Variants in SWAP70 observed in about 807,000 individuals in gnomAD.
The protein encoded by SWAP70 is switch-associated protein 70.
SWAP70 carries 34 observed loss-of-function variants against 80.2 expected under a neutral mutation model. The observed-to-expected ratio is 0.42, with a 90% CI of 0.32 to 0.56. The LOEUF (loss-of-function observed/expected upper bound fraction) is 0.56, where lower values mean the gene tolerates loss of function less well. Among genes scored for constraint, SWAP70 ranks in the 20% least tolerant of loss-of-function variants. The pLI is 0.09. For missense variants in SWAP70, 578 were observed against 690.7 expected (o/e 0.84, Z 1.83); for synonymous variants, 239 against 238.5 (o/e 1.00, Z -0.02).
intron 6 of SWAP70, 89 bp downstream of exon 6, chr11:9,729,540 C>A: frequency 9.9e-7 from 1 of 1,011,712 alleles, no homozygotes; most frequent in Non-Finnish European, 1.5e-6. Context: ...GCTCTGTTGC[C>A]CGGGCTGTAG....
intron 1 of SWAP70, among the ~76,000 whole-genome samples, chr11:9,688,683 G>T (rs1195831590): frequency 6.6e-6 from 1 of 152,114 alleles, no homozygotes. Flanking sequence ...TGAAGATTTG[G>T]TGTAAGTGTC....
intron 3 of SWAP70, among the ~76,000 whole-genome samples, chr11:9,721,833 T>A (rs993668621): frequency 6.6e-6 from 1 of 152,242 alleles, no homozygotes; most frequent in Admixed American, 6.5e-5. Context: ...CATGCATGTC[T>A]ATTTTTCTGT....
At chr11:9,669,363 G>A (rs190434357) in intron 1 of SWAP70, among the ~76,000 whole-genome samples, 207 of 152,214 alleles carry the variant, frequency 1.4e-3, no homozygotes, top group Admixed American at 2.6e-3. Flanking sequence ...CCAAGTAGCT[G>A]GGACTACAGA....
intron 1 of SWAP70, among the ~76,000 whole-genome samples, chr11:9,687,475 GT>G (rs1466042569): frequency 1.3e-5 from 2 of 151,842 alleles, no homozygotes; most frequent in South Asian, 4.1e-4. Context: ...TGCCTTTTTT[GT>G]TTTTTTATGG....
chr11:9,733,246 C>T (rs985260768), intron 7 of SWAP70, among the ~76,000 whole-genome samples: 1 of 152,144 alleles, frequency 6.6e-6, no homozygotes. Flanking sequence ...AACACTTCCT[C>T]GGTTATGTCG....
At chr11:9,730,318 G>A (rs1256904490) in intron 6 of SWAP70, among the ~76,000 whole-genome samples, 6 of 128,964 alleles carry the variant, frequency 4.7e-5, no homozygotes, top group Admixed American at 2.6e-4. Context: ...GTGAAACCCC[G>A]TCTCTACTTA....
intron 3 of SWAP70, among the ~76,000 whole-genome samples, chr11:9,724,035 A>C (rs1218282158): frequency 6.6e-6 from 1 of 152,044 alleles, no homozygotes; most frequent in Admixed American, 6.5e-5. Context: ...TGGCCTCCCA[A>C]AGTGTTGGGA....
intron 3 of SWAP70, chr11:9,720,392 T>A (rs1851119189): frequency 1.0e-6 from 1 of 985,446 alleles, no homozygotes. Context: ...AGTTTGCTAC[T>A]AATAGGCGCT....
intron 7 of SWAP70, among the ~76,000 whole-genome samples, chr11:9,736,153 C>G (rs374163686): frequency 6.6e-6 from 1 of 151,920 alleles, no homozygotes; most frequent in African/African-American, 2.4e-5. Context: ...GTGAATTTTT[C>G]GTTTCAGTTA....
chr11:9,666,679 G>T (rs1288270721), intron 1 of SWAP70, among the ~76,000 whole-genome samples: 1 of 150,804 alleles, frequency 6.6e-6, no homozygotes, highest in Non-Finnish European at 1.5e-5. Context: ...AAGAGGAGAA[G>T]AAAATTTTAT....
At chr11:9,717,659 CAAA>C (rs3049795) in intron 3 of SWAP70, among the ~76,000 whole-genome samples, 20 of 115,714 alleles carry the variant, frequency 1.7e-4, no homozygotes, top group African/African-American at 6.7e-4. Context: ...GACCTTGTCT[CAAA>C]AAAAAAAAAA....
intron 1 of SWAP70, among the ~76,000 whole-genome samples, chr11:9,675,346 CGAGAGAGAGAGAGAGAGAGAGAGAGAGA>C (rs1184480305): frequency 3.3e-3 from 28 of 8,412 alleles, no homozygotes; most frequent in African/African-American, 5.4e-3. Flanking sequence ...AGAGAGGGAG[CGAGAGAGAGAGAGAGAGAGAGAGAGAGA>C]GAGAGAGAGA....
At chr11:9,731,248 A>G (rs1401835639) in intron 6 of SWAP70, among the ~76,000 whole-genome samples, 1 of 152,220 alleles carries the variant, frequency 6.6e-6, no homozygotes, top group African/African-American at 2.4e-5. Context: ...TTATATTCTT[A>G]GACGTAGATA....
Position 9,664,200 on chromosome 11 carries a change from G to C in SWAP70, c.21G>C (p.Glu7Asp). 6.3e-7 allele frequency: 1 copy of C among 1,587,792 alleles called. No homozygotes were observed. The highest frequency in any genetic ancestry group is 8.6e-7 in the Non-Finnish European group (1 of 1,168,216). Residue 7 changes from glutamate (E) to aspartate (D), a missense_variant, in exon 1 of 12, where the codon GAG becomes GAC. Physicochemically the swap from Glu to Asp is conservative, Grantham distance 45 (BLOSUM62 2). Coordinates refer to ENST00000318950, the MANE Select transcript of SWAP70 (RefSeq NM_015055.4). Reference protein sequence around the residue: MGSLKEELLKAIWHAFT... With the variant: MGSLKEDLLKAIWHAFT... ...CGGCCATGGGGAGCTTGAAGGAGGA[G>C]CTGCTCAAAGCCATCTGGCACGCCT...
At chr11:9,679,818 G>A (rs1177890897) in intron 1 of SWAP70, among the ~76,000 whole-genome samples, 1 of 151,886 alleles carries the variant, frequency 6.6e-6, no homozygotes, top group Admixed American at 6.6e-5. Flanking sequence ...ACAGGTGCCC[G>A]CCACCACGCC....
At chr11:9,696,399 G>A (rs972150205) in intron 2 of SWAP70, among the ~76,000 whole-genome samples, 4 of 152,116 alleles carry the variant, frequency 2.6e-5, no homozygotes, top group South Asian at 2.1e-4. Context: ...AAAAGTGAAC[G>A]TTGCTTTAAT....
At chr11:9,738,980 C>G (rs1432767169) in intron 8 of SWAP70, among the ~76,000 whole-genome samples, 6 of 152,264 alleles carry the variant, frequency 3.9e-5, no homozygotes, top group Non-Finnish European at 8.8e-5. Flanking sequence ...TAATAACATT[C>G]CTTTTCATTC....
chr11:9,716,636 G>A (rs1851069834), intron 3 of SWAP70, among the ~76,000 whole-genome samples: 1 of 152,222 alleles, frequency 6.6e-6, no homozygotes, highest in Non-Finnish European at 1.5e-5. Context: ...CTCACTAAAA[G>A]GGGTGTGTGT....
chr11:9,709,596 A>C (rs2572946), intron 2 of SWAP70, among the ~76,000 whole-genome samples: 49,323 of 151,632 alleles, frequency 0.33, 8,202 homozygotes, highest in Non-Finnish European at 0.35. Flanking sequence ...GCGATCTCCC[A>C]CCAACTTCAG....
Sources: gnomAD v4.1 joint callset for allele counts (sites outside exome capture counted in the v4.1 genomes callset) on GRCh38, gnomAD v4.1.1 for gene constraint, MANE v1.5 for transcripts, NCBI Gene and HGNC (gene_info 2026-07-23, HGNC 2026-07-21) for gene names.